Variants in ROCK2 observed in about 807,000 individuals in gnomAD.
ROCK2 encodes rho-associated protein kinase 2.
Under a neutral mutation model 195.1 loss-of-function variants are expected in ROCK2, and 61 were observed. The ratio of observed to expected loss-of-function variants is 0.31; its 90% CI spans 0.25 to 0.39. The LOEUF is 0.39. ROCK2 is among the 10% of genes least tolerant of loss of function. ROCK2 has a pLI of 1.00. For missense variants in ROCK2, 1,109 were observed against 1,637.4 expected (o/e 0.68, Z 5.57); for synonymous variants, 504 against 545.5 (o/e 0.92, Z 1.06).
chr2:11,314,592 T>C (rs1668135883), intron 1 of ROCK2, among the ~76,000 whole-genome samples: 1 of 152,004 alleles, frequency 6.6e-6, no homozygotes, highest in South Asian at 2.1e-4. Context: ...CTTTTCATAG[T>C]TCCTTTTAGA....
At chr2:11,305,387 TA>T (rs1572386627) in intron 1 of ROCK2, among the ~76,000 whole-genome samples, 3 of 149,640 alleles carry the variant, frequency 2.0e-5, no homozygotes, top group African/African-American at 7.4e-5. Flanking sequence ...AAAATAAAGT[TA>T]AAAAAAATAA....
chr2:11,299,923 A>G (rs768898682), intron 1 of ROCK2, among the ~76,000 whole-genome samples: 4 of 152,240 alleles, frequency 2.6e-5, no homozygotes, highest in Non-Finnish European at 4.4e-5. Flanking sequence ...AAACATTTTA[A>G]CAACCTTTTA....
chr2:11,181,675 C>G lies in ROCK2; in HGVS notation c.*1762G>C, dbSNP rs1194685160. 3 of 146,788 alleles carry G rather than the reference C, an allele frequency of 2.0e-5. No individual in the cohort carries two copies. Among genetic ancestry groups the G allele is most frequent in the Admixed American group, 1.4e-4 (2 of 14,606 alleles). The allele number at this position is 146,788 out of a possible 1,614,324, so 9.1% of individuals were successfully genotyped here. A position where few individuals can be genotyped will look rare whatever the true frequency, so the allele number is the denominator to read the frequency against. On this transcript the variant is annotated 3_prime_UTR_variant, in exon 33 of 33. Coordinates refer to ENST00000315872, the MANE Select transcript of ROCK2 (RefSeq NM_004850.5). The stretch of plus-strand genomic sequence containing the variant: ...TTGAGACGGAGTCTTGTTCAGCTGC[C>G]CAGGCTGGAGTGCAGTGGCTCGATC...
intron 1 of ROCK2, among the ~76,000 whole-genome samples, chr2:11,290,738 G>C (rs1257872433): frequency 6.6e-6 from 1 of 152,084 alleles, no homozygotes; most frequent in African/African-American, 2.4e-5. Context: ...AATTAAAAGG[G>C]CCTAAATGAG....
chr2:11,264,220 T>C (rs1666337459), intron 3 of ROCK2, among the ~76,000 whole-genome samples: 1 of 152,146 alleles, frequency 6.6e-6, no homozygotes, highest in Non-Finnish European at 1.5e-5. Context: ...ATAGTAACAA[T>C]GGTGAAACAC....
At chr2:11,275,792 C>T (rs12469980) in intron 3 of ROCK2, among the ~76,000 whole-genome samples, 37,187 of 150,824 alleles carry the variant, frequency 0.25, 5,285 homozygotes, top group East Asian at 0.54. Context: ...CTCCACCTCC[C>T]GGATTCAACA....
chr2:11,287,805 T>A, intron 1 of ROCK2, 69 bp from the exon 2 acceptor site: 1 of 566,586 alleles, frequency 1.8e-6, no homozygotes, highest in Non-Finnish European at 2.9e-6. Context: ...AAAAGTCTTT[T>A]AATTTTATTT....
At chr2:11,191,321 T>C (rs1393883399) in intron 32 of ROCK2, among the ~76,000 whole-genome samples, 2 of 152,176 alleles carry the variant, frequency 1.3e-5, no homozygotes, top group African/African-American at 4.8e-5. Flanking sequence ...TATCCGAAAA[T>C]GGCTCCATCA....
In ROCK2 at chr2:11,344,066, G is replaced by A. The variant is rs1446627904; in HGVS notation, c.71C>T (p.Ala24Val). 3.2e-6 allele frequency: 5 copies of A among 1,568,960 alleles called. No homozygotes were observed. The highest frequency in any genetic ancestry group is 1.9e-5 in the Admixed American group (1 of 53,478). The change falls in exon 1 of 33, where the codon GCG becomes GTG. Residue 24 changes from alanine to valine, a missense_variant. Physicochemically the swap from Ala to Val is moderately conservative, Grantham distance 64. This residue lies in a region of ROCK2 where 64 missense variants were observed against 62.4 expected (regional missense o/e 1.03). Transcript: ENST00000315872. This position sits in a 1 kb window ranked among gnomAD's most constrained non-coding sequence, Gnocchi z 5.4. ...PETAPGDGAGASRQRKLEALI... is the reference protein window; with the variant it reads ...PETAPGDGAGVSRQRKLEALI... ...CGCCTCCAGCTTCCTCTGGCGGCTCGCGCCTGCCCCGTCCCCCGGCGCGGT... is the reference window on the plus strand; with the variant it reads ...CGCCTCCAGCTTCCTCTGGCGGCTCACGCCTGCCCCGTCCCCCGGCGCGGT...
intron 10 of ROCK2, 79 bp downstream of exon 10, chr2:11,218,887 G>T: frequency 1.3e-6 from 1 of 776,476 alleles, no homozygotes; most frequent in Non-Finnish European, 2.1e-6. Context: ...CATCAAATTA[G>T]CTTTTTAAAA....
At chr2:11,281,207 T>A in intron 3 of ROCK2, among the ~76,000 whole-genome samples, 1 of 135,028 alleles carries the variant, frequency 7.4e-6, no homozygotes, top group Non-Finnish European at 1.6e-5. Context: ...CACTCATTAT[T>A]TAAAAAAAAA....
intron 1 of ROCK2, chr2:11,308,019 C>G: frequency 6.4e-7 from 1 of 1,560,962 alleles, no homozygotes; most frequent in Non-Finnish European, 8.7e-7. Flanking sequence ...GGGGTGGGGA[C>G]CAGCCATGTC....
chr2:11,228,437 A>G (rs2148088967), intron 5 of ROCK2, among the ~76,000 whole-genome samples: 1 of 152,328 alleles, frequency 6.6e-6, no homozygotes, highest in Non-Finnish European at 1.5e-5. Context: ...CCACATATAT[A>G]GCAAATAGAG....
chr2:11,328,591 T>C (rs921584795), intron 1 of ROCK2, among the ~76,000 whole-genome samples: 2 of 152,196 alleles, frequency 1.3e-5, no homozygotes, highest in African/African-American at 4.8e-5. Flanking sequence ...AAATCCAATG[T>C]TCTTTCCACT....
At chr2:11,232,185 C>T (rs1211352268) in intron 5 of ROCK2, among the ~76,000 whole-genome samples, 1 of 151,750 alleles carries the variant, frequency 6.6e-6, no homozygotes, top group Admixed American at 6.6e-5. Context: ...GGGCTGTGGC[C>T]TGGCACGATC....
Position 11,217,080 on chromosome 2 carries a change from C to A in ROCK2, c.1412+10G>T. ...TTATAATGTAATATTTAATTATCTA[C>A]AAAACATACTTGCACTTCTGTTCCA... is the stretch of plus-strand genomic sequence containing the variant. On this transcript the variant is annotated intron_variant, in intron 12 of 32. Coordinates refer to ENST00000315872, the MANE Select transcript of ROCK2 (RefSeq NM_004850.5). The A allele has an allele frequency of 7.3e-7, 1 of 1,376,612 alleles. No individual in the cohort carries two copies. The highest frequency in any genetic ancestry group is 1.0e-6 in the Non-Finnish European group (1 of 971,996). The allele number at this position is 1,376,612 out of a possible 1,614,324, so 85.3% of individuals were successfully genotyped here. A position where few individuals can be genotyped will look rare whatever the true frequency, so the allele number is the denominator to read the frequency against.
chr2:11,185,620 T>C (rs1468483620), intron 32 of ROCK2, among the ~76,000 whole-genome samples: 1 of 152,060 alleles, frequency 6.6e-6, no homozygotes, highest in Non-Finnish European at 1.5e-5. Flanking sequence ...TCACAGCTAC[T>C]CAGGAGGCTG....
intron 1 of ROCK2, among the ~76,000 whole-genome samples, chr2:11,343,381 T>C (rs1421084254): frequency 6.6e-6 from 1 of 152,172 alleles, no homozygotes; most frequent in East Asian, 1.9e-4. Context: ...TTTATTCCAC[T>C]CCACAATTCA....
intron 1 of ROCK2, among the ~76,000 whole-genome samples, chr2:11,329,612 T>C (rs1668656547): frequency 6.6e-6 from 1 of 152,182 alleles, no homozygotes; most frequent in Admixed American, 6.5e-5. Context: ...TCATCTGCTG[T>C]TCTCCTATTA....
Sources: allele counts gnomAD v4.1 joint callset (sites outside exome capture counted in the v4.1 genomes callset), GRCh38; gene constraint gnomAD v4.1.1; regional missense constraint gnomAD v4.1.1; non-coding constraint Gnocchi (gnomAD v3.1); transcripts MANE v1.5; gene names NCBI Gene and HGNC (gene_info 2026-07-23, HGNC 2026-07-21).